The following MAGI2 variants were observed in gnomAD, a reference collection of about 807,000 sequenced individuals.
MAGI2 encodes membrane-associated guanylate kinase, WW and PDZ domain-containing protein 2.
Under a neutral mutation model 133.3 loss-of-function variants are expected in MAGI2, and 35 were observed. The observed-to-expected ratio is 0.26, with a 90% CI of 0.20 to 0.35. The LOEUF (loss-of-function observed/expected upper bound fraction) is 0.35, where lower values mean the gene tolerates loss of function less well. Among genes scored for constraint, MAGI2 ranks in the 10% least tolerant of loss-of-function variants. The pLI, the probability that MAGI2 is intolerant of heterozygous loss-of-function variation, is 1.00. For missense variants in MAGI2, 1,636 were observed against 1,863.4 expected (o/e 0.88, Z 2.25); for synonymous variants, 729 against 710.6 (o/e 1.03, Z -0.41).
intron 1 of MAGI2, among the ~76,000 whole-genome samples, chr7:79,091,784 C>A (rs1219022659): frequency 6.6e-6 from 1 of 151,518 alleles, no homozygotes; most frequent in Non-Finnish European, 1.5e-5. Context: ...GGCTATGTTC[C>A]AATAAAACTT....
At chr7:79,318,348 A>G (rs1190042951) in intron 1 of MAGI2, among the ~76,000 whole-genome samples, 2 of 152,184 alleles carry the variant, frequency 1.3e-5, no homozygotes, top group Non-Finnish European at 2.9e-5. Context: ...GTGGGTTATA[A>G]TTTATTTGTC....
At chr7:79,396,535 C>T (rs888462575) in intron 1 of MAGI2, among the ~76,000 whole-genome samples, 1 of 152,096 alleles carries the variant, frequency 6.6e-6, no homozygotes, top group Non-Finnish European at 1.5e-5. Flanking sequence ...AGAAAGATCC[C>T]TACTGAGAAA....
intron 1 of MAGI2, among the ~76,000 whole-genome samples, chr7:79,027,152 A>T (rs925999019): frequency 6.6e-6 from 1 of 151,976 alleles, no homozygotes; most frequent in African/African-American, 2.4e-5. Flanking sequence ...TTTCTAAAAA[A>T]AATAGAATTA....
intron 2 of MAGI2, among the ~76,000 whole-genome samples, chr7:78,816,064 C>G (rs893757557): frequency 1.3e-5 from 2 of 152,172 alleles, no homozygotes; most frequent in Non-Finnish European, 2.9e-5. Context: ...ATTAAAAGTG[C>G]TACTCGAGTG....
At chr7:79,018,107 G>A (rs1430789282) in intron 1 of MAGI2, among the ~76,000 whole-genome samples, 2 of 151,928 alleles carry the variant, frequency 1.3e-5, no homozygotes, top group African/African-American at 4.8e-5. Flanking sequence ...TACTACACAA[G>A]ATTCTCAAAG....
rs568883093 is a variant in MAGI2 at position 79,077,569 on chromosome 7, C to A, written c.302-70363G>T. On this transcript the variant is annotated intron_variant, in intron 1 of 21. Transcript: ENST00000354212. ...CAGCCTGGGCAACAGAGCGAGACTG[C>A]CTCTCAAAAAAAAAAAAAAAAAAAA... 8.2e-4 allele frequency among the ~76,000 whole-genome samples: 63 copies of A among 77,094 alleles called. 1 individual carries two copies. Among genetic ancestry groups the A allele is most frequent in the African/African-American group, 3.7e-3 (59 of 16,008 alleles). 50.6% of individuals were successfully genotyped at this position (77,094 alleles called of 152,430 possible).
intron 2 of MAGI2, among the ~76,000 whole-genome samples, chr7:78,964,591 T>C (rs1803144318): frequency 6.6e-6 from 1 of 152,086 alleles, no homozygotes; most frequent in Non-Finnish European, 1.5e-5. Context: ...GGAAGATATA[T>C]ACTTCCCACC....
At chr7:79,383,757 T>A (rs1011243189) in intron 1 of MAGI2, among the ~76,000 whole-genome samples, 2 of 151,518 alleles carry the variant, frequency 1.3e-5, no homozygotes, top group Non-Finnish European at 3.0e-5. Context: ...AATACATCTT[T>A]ATTTTGTCAG....
At chr7:78,176,908 G>GACACACACACACACACACACACAC (rs200781303) in intron 14 of MAGI2, among the ~76,000 whole-genome samples, 1 of 130,432 alleles carries the variant, frequency 7.7e-6, no homozygotes, top group Non-Finnish European at 1.6e-5. Context: ...ACCATATATA[G>GACACACACACACACACACACACAC]ACACACACAC....
At chr7:79,326,762 C>G (rs547943229) in intron 1 of MAGI2, among the ~76,000 whole-genome samples, 1 of 151,818 alleles carries the variant, frequency 6.6e-6, no homozygotes, top group East Asian at 1.9e-4. Flanking sequence ...CTTAGCACAA[C>G]CAATAATGAA....
At chr7:79,211,478 G>A (rs75420066) in intron 1 of MAGI2, among the ~76,000 whole-genome samples, 1 of 139,980 alleles carries the variant, frequency 7.1e-6, no homozygotes, top group Non-Finnish European at 1.5e-5. Flanking sequence ...TTTTTTTTTT[G>A]AGGCAGGGTC....
At chr7:79,448,065 T>G (rs1328296609) in intron 1 of MAGI2, among the ~76,000 whole-genome samples, 1 of 151,846 alleles carries the variant, frequency 6.6e-6, no homozygotes, top group East Asian at 1.9e-4. Context: ...GAGTAAATAA[T>G]TCAATATATT....
chr7:78,999,894 C>A (rs1806683877), intron 2 of MAGI2, among the ~76,000 whole-genome samples: 1 of 152,162 alleles, frequency 6.6e-6, no homozygotes, highest in South Asian at 2.1e-4. Context: ...CAAATTCATT[C>A]TCAAATTTTC....
chr7:78,338,211 C>A (rs1789978552), intron 9 of MAGI2, among the ~76,000 whole-genome samples: 1 of 152,136 alleles, frequency 6.6e-6, no homozygotes, highest in Middle Eastern at 3.2e-3. Flanking sequence ...CATACTTCAC[C>A]ATAAATCCAC....
chr7:78,065,824 C>T (rs997982617), intron 21 of MAGI2, among the ~76,000 whole-genome samples: 2 of 152,154 alleles, frequency 1.3e-5, no homozygotes, highest in Admixed American at 1.3e-4. Context: ...GTAAAGCTAA[C>T]CCTATCAAGC....
At chr7:78,440,947 A>G (rs1787562489) in intron 6 of MAGI2, among the ~76,000 whole-genome samples, 1 of 152,122 alleles carries the variant, frequency 6.6e-6, no homozygotes, top group Non-Finnish European at 1.5e-5. Context: ...GTGAGACTCC[A>G]TCTCAAAAAA....
intron 4 of MAGI2, among the ~76,000 whole-genome samples, chr7:78,508,072 A>C (rs911231497): frequency 1.3e-5 from 2 of 152,222 alleles, no homozygotes; most frequent in Non-Finnish European, 2.9e-5. Flanking sequence ...ACATAATTGC[A>C]GTCTTCACAT....
At chr7:78,148,682 G>A (rs1823559654) in intron 16 of MAGI2, among the ~76,000 whole-genome samples, 1 of 152,096 alleles carries the variant, frequency 6.6e-6, no homozygotes, top group Non-Finnish European at 1.5e-5. Context: ...TTTGCCAGGT[G>A]GTCAAGGTTA....
intron 1 of MAGI2, among the ~76,000 whole-genome samples, chr7:79,344,711 A>G (rs777914692): frequency 8.5e-5 from 13 of 152,176 alleles, no homozygotes; most frequent in Non-Finnish European, 1.8e-4. Flanking sequence ...ACTAAATGGC[A>G]TACTTAGGAA....
Sources: allele counts gnomAD v4.1 joint callset (sites outside exome capture counted in the v4.1 genomes callset), GRCh38; gene constraint gnomAD v4.1.1; transcripts MANE v1.5; gene names NCBI Gene and HGNC (gene_info 2026-07-23, HGNC 2026-07-21).